FAM107A: variants seen among roughly 807,000 people sequenced by gnomAD.
FAM107A encodes actin-associated protein FAM107A.
FAM107A carries 19 observed loss-of-function variants against 13.7 expected under a neutral mutation model. The ratio of observed to expected loss-of-function variants is 1.38; its 90% CI spans 0.97 to 2.03. FAM107A has a LOEUF of 2.03. Among genes scored for constraint, FAM107A ranks in the 30% most tolerant of loss-of-function variants. FAM107A has a pLI of 0.00. For synonymous variants in FAM107A, 82 were observed against 74.5 expected (o/e 1.10, Z -0.52); for missense variants, 203 against 184.4 (o/e 1.10, Z -0.58).
At chr3:58,567,405 TC>T (rs925715846) in intron 2 of FAM107A, 41 bp from the exon 3 acceptor site, 5 of 1,575,658 alleles carry the variant, frequency 3.2e-6, no homozygotes, top group East Asian at 4.6e-5. Flanking sequence ...ACCATCACCT[TC>T]CCGCTTCCCC....
At chr3:58,623,583 T>C (rs1343628094) in intron 1 of FAM107A, among the ~76,000 whole-genome samples, 1 of 151,936 alleles carries the variant, frequency 6.6e-6, no homozygotes, top group Non-Finnish European at 1.5e-5. Flanking sequence ...CTCAGAGGGG[T>C]TAAATGAGAT....
At chr3:58,584,236 A>G (rs373981925) in intron 1 of FAM107A, among the ~76,000 whole-genome samples, 1 of 152,264 alleles carries the variant, frequency 6.6e-6, no homozygotes, top group Admixed American at 6.5e-5. Flanking sequence ...CATGTTTCCA[A>G]TAGGGGTTTC....
At chr3:58,577,859 A>T (rs886364863), upstream of FAM107A, 10 of 298,468 alleles carry the variant, frequency 3.4e-5, no homozygotes. The surrounding 1 kb of genome is among the most constrained non-coding windows in gnomAD (Gnocchi z 4.9). Flanking sequence ...GTTCTTAATT[A>T]TCCACGAATG....
rs1055616602 is a variant in FAM107A at position 58,604,829 on chromosome 3, T to G, written c.-69-15560A>C. ...GCTTTTTTCTTGACTAAGGATCACATTTTCCTGTCTCTTTGCATGTCTAAA... is the reference window on the plus strand; with the variant it reads ...GCTTTTTTCTTGACTAAGGATCACAGTTTCCTGTCTCTTTGCATGTCTAAA... On this transcript the variant is annotated intron_variant, in intron 1 of 3. Transcript: ENST00000465970. The surrounding 1 kb of genome is among the most constrained non-coding windows in gnomAD (Gnocchi z 4.1). 1.3e-5 allele frequency among the ~76,000 whole-genome samples: 2 copies of G among 152,214 alleles called. No homozygotes were observed. Among genetic ancestry groups the G allele is most frequent in the African/African-American group, 2.4e-5 (1 of 41,450 alleles).
chr3:58,575,464 C>T (rs1026769977), intron 1 of FAM107A, among the ~76,000 whole-genome samples: 2 of 152,062 alleles, frequency 1.3e-5, no homozygotes, highest in African/African-American at 4.8e-5. Flanking sequence ...TTGGAGGCAG[C>T]CAGTGGTACC....
Position 58,566,205 on chromosome 3 carries a change from G to T in FAM107A, c.*383C>A. ...AGACCTAGGAGCTGGGGTGTACGGA[G>T]AAGCGGGGCCCTGGGGAGCCTCGGA... On this transcript the variant is annotated 3_prime_UTR_variant, in exon 4 of 4. Transcript: ENST00000360997. 1 of 175,444 alleles carries T rather than the reference G, an allele frequency of 5.7e-6. No homozygotes were observed. The allele number at this position is 175,444 out of a possible 1,614,324, so 10.9% of individuals were successfully genotyped here. A position where few individuals can be genotyped will look rare whatever the true frequency, so the allele number is the denominator to read the frequency against.
At chr3:58,607,609 CGTGTGCAT>C (rs2065807898) in intron 1 of FAM107A, 2 of 123,586 alleles carry the variant, frequency 1.6e-5, no homozygotes, top group African/African-American at 5.8e-5. Context: ...TGTGTGTATA[CGTGTGCAT>C]GTACATGTGA....
At chr3:58,587,733 C>T (rs1272295792), upstream of FAM107A, among the ~76,000 whole-genome samples, 1 of 151,998 alleles carries the variant, frequency 6.6e-6, no homozygotes, top group Non-Finnish European at 1.5e-5. Context: ...CCAATCAGGT[C>T]TAAAGGTGGG....
chr3:58,566,556 G>T lies in FAM107A; in HGVS notation c.*32C>A, dbSNP rs776866680. The T allele has an allele frequency of 9.9e-6, 15 of 1,513,262 alleles. No homozygotes were observed. Among genetic ancestry groups the T allele is most frequent in the Admixed American group, 1.7e-5 (1 of 59,872 alleles). The allele number at this position is 1,513,262 out of a possible 1,614,324, so 93.7% of individuals were successfully genotyped here. ...GGCTGAAGGAGGCTGTCCAGGCCAG[G>T]GTGGGCAGTGGCCTGAGCCCGGCAG... On this transcript the variant is annotated 3_prime_UTR_variant, in exon 4 of 4. Coordinates refer to ENST00000360997, the MANE Select transcript of FAM107A (RefSeq NM_001076778.3).
upstream of FAM107A, among the ~76,000 whole-genome samples, chr3:58,581,789 A>C (rs1451038774): frequency 1.3e-5 from 2 of 152,206 alleles, no homozygotes; most frequent in Non-Finnish European, 2.9e-5. Flanking sequence ...AAAATGGGAA[A>C]GTGAGAGGGG....
intron 1 of FAM107A, among the ~76,000 whole-genome samples, chr3:58,608,551 C>T (rs1223068431): frequency 6.6e-6 from 1 of 152,194 alleles, no homozygotes; most frequent in African/African-American, 2.4e-5. Context: ...GTATAGTTAT[C>T]CCCATTTTAC....
At position 58,570,363 on chromosome 3, in the gene FAM107A, T is replaced by TC. The variant is rs2063669304; in HGVS notation, c.-5-499dup. On this transcript the variant is annotated intron_variant, in intron 1 of 3. Coordinates refer to ENST00000360997, the MANE Select transcript of FAM107A (RefSeq NM_001076778.3). ...ACTCTATCCACAGTTCCACAACTGT[T>TC]CAGCTTTTCATTTTCTTCACATCAA... The TC allele has an allele frequency of 1.1e-5, 11 of 984,658 alleles. No individual in the cohort carries two copies. In the African/African-American group the frequency reaches 1.6e-4, roughly 14 times the overall value. The allele number at this position is 984,658 out of a possible 1,614,324, so 61.0% of individuals were successfully genotyped here. A position where few individuals can be genotyped will look rare whatever the true frequency, so the allele number is the denominator to read the frequency against.
intron 1 of FAM107A, among the ~76,000 whole-genome samples, chr3:58,583,713 C>A (rs2065573122): frequency 6.6e-6 from 1 of 151,338 alleles, no homozygotes; most frequent in Non-Finnish European, 1.5e-5. Context: ...CACGGTCTTG[C>A]TCTGTTGCTC....
At chr3:58,595,669 C>A (rs1285211102) in intron 1 of FAM107A, among the ~76,000 whole-genome samples, 1 of 151,994 alleles carries the variant, frequency 6.6e-6, no homozygotes, top group East Asian at 1.9e-4. Flanking sequence ...AGCCCGCCTG[C>A]ACCCAAGTGA....
intron 1 of FAM107A, among the ~76,000 whole-genome samples, chr3:58,619,691 A>G (rs1452713608): frequency 6.6e-6 from 1 of 152,046 alleles, no homozygotes; most frequent in African/African-American, 2.4e-5. Flanking sequence ...TTTCTCTCCC[A>G]TGGGGCTGTG....
chr3:58,621,694 C>T (rs1055612380), intron 1 of FAM107A, among the ~76,000 whole-genome samples: 1 of 152,232 alleles, frequency 6.6e-6, no homozygotes, highest in African/African-American at 2.4e-5. Context: ...AAACATCACC[C>T]AGAGAGTGAG....
At chr3:58,580,113 G>A (rs527321047), upstream of FAM107A, among the ~76,000 whole-genome samples, 1 of 152,252 alleles carries the variant, frequency 6.6e-6, no homozygotes, top group East Asian at 1.9e-4. Context: ...ATCAGCAAGA[G>A]ACTATGCTAC....
At chr3:58,627,174 G>A (rs748181506) in intron 1 of FAM107A, 93 of 632,238 alleles carry the variant, frequency 1.5e-4, no homozygotes, top group Non-Finnish European at 1.9e-4. Context: ...AGCCCGGAGC[G>A]CCTCAGACAG....
chr3:58,597,986 C>T (rs1363769146), intron 1 of FAM107A, among the ~76,000 whole-genome samples: 1 of 152,158 alleles, frequency 6.6e-6, no homozygotes, highest in Non-Finnish European at 1.5e-5. Flanking sequence ...AACCCTTCTC[C>T]CTGGAGTCAG....
Sources: gnomAD v4.1 joint callset for allele counts (sites outside exome capture counted in the v4.1 genomes callset) on GRCh38, gnomAD v4.1.1 for gene constraint, Gnocchi (gnomAD v3.1) non-coding constraint, MANE v1.5 for transcripts, NCBI Gene and HGNC (gene_info 2026-07-23, HGNC 2026-07-21) for gene names.